Variants in PACS2 observed in about 807,000 individuals in gnomAD.
PACS2 encodes PACS1-like protein.
PACS2 carries 36 observed loss-of-function variants against 113.0 expected under a neutral mutation model. The observed-to-expected ratio is 0.32, with a 90% confidence interval of 0.24 to 0.42. The LOEUF (loss-of-function observed/expected upper bound fraction) is 0.42. PACS2 is among the 10% of genes least tolerant of loss of function. PACS2 has a pLI of 1.00. For synonymous variants in PACS2, 589 were observed against 536.1 expected, an observed-to-expected ratio of 1.10 and a Z score of -1.36; for missense variants, 1,015 against 1,239.5, an observed-to-expected ratio of 0.82 and a Z score of 2.72.
At chr14:105,304,214 AGGCTCGGT>A (rs990750690) in intron 1 of PACS2, among the ~76,000 whole-genome samples, 1 of 152,198 alleles carries the variant, frequency 6.6e-6, no homozygotes, top group Non-Finnish European at 1.5e-5. Flanking sequence ...GGTTTCAGCC[AGGCTCGGT>A]GGCTCAGGAC....
intron 1 of PACS2, among the ~76,000 whole-genome samples, chr14:105,318,803 C>A (rs1240680372): frequency 6.6e-6 from 1 of 151,750 alleles, no homozygotes; most frequent in Non-Finnish European, 1.5e-5. Flanking sequence ...GGACTACAGG[C>A]GCCCGCCACC....
At chr14:105,380,865 A>ATT in intron 11 of PACS2, 92 bp from the exon 12 acceptor site, 1 of 1,307,488 alleles carries the variant, frequency 7.6e-7, no homozygotes, top group Admixed American at 2.4e-5. Flanking sequence ...AGAGGCCTAA[A>ATT]CCCTCACCCG....
chr14:105,392,888 G>T (rs587643850), intron 23 of PACS2, 43 bp downstream of exon 23: 1 of 1,468,208 alleles, frequency 6.8e-7, no homozygotes, highest in East Asian at 2.3e-5. Context: ...GCAGAAGGGC[G>T]GCTCTGTGGG....
intron 4 of PACS2, among the ~76,000 whole-genome samples, chr14:105,364,263 G>A (rs2141118849): frequency 6.6e-6 from 1 of 152,158 alleles, no homozygotes; most frequent in South Asian, 2.1e-4. Flanking sequence ...AGTGAGGGCT[G>A]CAGCCCGGGT....
In PACS2 at chr14:105,329,973, C is replaced by G. The variant is rs2059242694; in HGVS notation, c.119+14936C>G. On this transcript the variant is annotated intron_variant, in intron 1 of 24. Transcript: ENST00000447393. The surrounding 1 kb of genome is among the most constrained non-coding windows in gnomAD (Gnocchi z 6.4). ...AGGGCCGAGCCCCCAGCTGGGATGC[C>G]CTGGGAGGGTGCAGGGTGGGCTCTG... Among the ~76,000 whole-genome samples, 1 of 152,170 alleles carries G rather than the reference C, an allele frequency of 6.6e-6. No individual in the cohort carries two copies. Among genetic ancestry groups the G allele is most frequent in the Non-Finnish European group, 1.5e-5 (1 of 68,034 alleles).
In PACS2 at chr14:105,324,314, C is replaced by T. The variant is rs1317168714; in HGVS notation, c.119+9277C>T. Among the ~76,000 whole-genome samples the T allele has an allele frequency of 1.3e-5, 2 of 152,088 alleles. No homozygotes were observed. The highest frequency in any genetic ancestry group is 4.8e-5 in the African/African-American group (2 of 41,416). ...TGGTGGTGGCAGGCAGTGGCGTTGC[C>T]GAGACAGGGTGCTCAGGTGCAGGTG... On this transcript the variant is annotated intron_variant, in intron 1 of 24. Coordinates refer to ENST00000447393, the MANE Select transcript of PACS2 (RefSeq NM_001100913.3). This position sits in a 1 kb window ranked among gnomAD's most constrained non-coding sequence, Gnocchi z 4.7.
chr14:105,392,683 G>T lies in PACS2; in HGVS notation c.2320G>T (p.Asp774Tyr). 6.2e-7 allele frequency: 1 copy of T among 1,612,756 alleles called. No homozygotes were observed. Among genetic ancestry groups the T allele is most frequent in the East Asian group, 2.2e-5 (1 of 44,862 alleles). Residue 774 changes from aspartate to tyrosine, a missense_variant, in exon 23 of 25, where the codon GAC becomes TAC. Around this residue, in one of 3 missense-constraint regions of PACS2, gnomAD observed 859 missense variants for 1,056.8 expected, o/e 0.81. Coordinates refer to ENST00000447393, the MANE Select transcript of PACS2 (RefSeq NM_001100913.3). ...CTACTGGACGGCAGCACAGCCTGCG[G>T]ACAGGAAGAGGGACGCCGAGAAGAA... ...VDYWTAAQPA[D>Y]RKRDAEKKDL...
intron 1 of PACS2, among the ~76,000 whole-genome samples, chr14:105,342,499 C>G (rs1344309254): frequency 6.6e-6 from 1 of 151,868 alleles, no homozygotes; most frequent in African/African-American, 2.4e-5. Context: ...GAACTCCTGG[C>G]CTCAAGTGAT....
In PACS2 at chr14:105,315,645, C is replaced by G. The variant is rs2058569130; in HGVS notation, c.119+608C>G. 6.6e-6 allele frequency: 1 copy of G among 152,284 alleles called. No homozygotes were observed. Among genetic ancestry groups the G allele is most frequent in the Non-Finnish European group, 1.5e-5 (1 of 68,068 alleles). The allele number at this position is 152,284 out of a possible 1,614,324, so 9.4% of individuals were successfully genotyped here. ...TGATCTTGCCATTGCGGAAGACTGG[C>G]TGTTCTGCACTTGGTAGGGGGGCGC... On this transcript the variant is annotated intron_variant, in intron 1 of 24. Coordinates refer to ENST00000447393, the MANE Select transcript of PACS2 (RefSeq NM_001100913.3). This position sits in a 1 kb window ranked among gnomAD's most constrained non-coding sequence, Gnocchi z 4.4.
rs1555414734 is a variant in PACS2, at chr14:105,391,233, A to G, written c.2103A>G (p.Pro701=). The G allele has an allele frequency of 6.2e-7, 1 of 1,613,248 alleles. No individual in the cohort carries two copies. The part of the protein sequence containing the change: ...VGVVKVGIVE[P]SSATSGDSDD... The stretch of plus-strand genomic sequence containing the variant: ...TTGTGAAGGTTGGAATTGTGGAGCC[A>G]TCCTCGGCCACATCAGGTAACCCCG... The change falls in exon 21 of 25, where the codon CCA becomes CCG. Residue 701 remains proline (P), a synonymous_variant. Coordinates refer to ENST00000447393, the MANE Select transcript of PACS2 (RefSeq NM_001100913.3).
At chr14:105,335,185 G>A (rs1473633876) in intron 1 of PACS2, among the ~76,000 whole-genome samples, 1 of 152,250 alleles carries the variant, frequency 6.6e-6, no homozygotes, top group South Asian at 2.1e-4. Flanking sequence ...ACTGAGGGCC[G>A]GACGTGTGTT....
At chr14:105,384,043 C>T (rs2081087269) in intron 16 of PACS2, 1 of 389,314 alleles carries the variant, frequency 2.6e-6, no homozygotes, top group Non-Finnish European at 4.7e-6. Flanking sequence ...CCGTGTGGCC[C>T]TCACGATGCC....
chr14:105,367,456 C>CT, intron 5 of PACS2, 81 bp downstream of exon 5: 2 of 1,405,174 alleles, frequency 1.4e-6, no homozygotes, highest in Non-Finnish European at 1.0e-6. Context: ...GTGGCAGAAA[C>CT]TGTCCAGCCT....
chr14:105,369,754 G>A, intron 7 of PACS2, 87 bp from the exon 8 acceptor site: 1 of 1,191,706 alleles, frequency 8.4e-7, no homozygotes, highest in Non-Finnish European at 1.2e-6. Flanking sequence ...CGGCGGGCCT[G>A]GGTGCGGCCT....
chr14:105,312,828 A>G (rs11847153), upstream of PACS2, among the ~76,000 whole-genome samples: 11,366 of 152,250 alleles, frequency 0.075, 1,441 homozygotes, highest in African/African-American at 0.26. Flanking sequence ...CAGGCGTGAC[A>G]CATGGTGTGT....
At chr14:105,316,483 G>A (rs1291594257) in intron 1 of PACS2, among the ~76,000 whole-genome samples, 1 of 152,236 alleles carries the variant, frequency 6.6e-6, no homozygotes, top group Non-Finnish European at 1.5e-5. Context: ...CTTCATGCGG[G>A]CTGTTGGCGC....
At chr14:105,353,511 G>C (rs2060316078) in intron 3 of PACS2, among the ~76,000 whole-genome samples, 1 of 152,144 alleles carries the variant, frequency 6.6e-6, no homozygotes, top group South Asian at 2.1e-4. Flanking sequence ...CGTTACTGCA[G>C]ATCTTCTGTT....
intron 1 of PACS2, among the ~76,000 whole-genome samples, chr14:105,319,672 T>C (rs773315384): frequency 2.0e-5 from 3 of 152,250 alleles, no homozygotes; most frequent in Non-Finnish European, 4.4e-5. Flanking sequence ...TCTTTCTTTC[T>C]CTTGCCTGAC....
Position 105,376,320 on chromosome 14 carries a change from G to T in PACS2, c.802-448G>T, listed in dbSNP as rs76720374. Among the ~76,000 whole-genome samples the T allele has an allele frequency of 0.029, 4,454 of 152,004 alleles. 256 individuals carry two copies. Among genetic ancestry groups the T allele is most frequent in the African/African-American group, 0.1 (4,276 of 41,426 alleles). ...ACATGATTCCTTTTGGGTAGCACTC[G>T]GGAAAGGGCAGAATGTACAGGAACA... On this transcript the variant is annotated intron_variant, in intron 8 of 24. Transcript: ENST00000447393. The surrounding 1 kb of genome is among the most constrained non-coding windows in gnomAD (Gnocchi z 4.7).
Sources: gnomAD v4.1 joint callset for allele counts (sites outside exome capture counted in the v4.1 genomes callset) on GRCh38, gnomAD v4.1.1 for gene constraint, gnomAD v4.1.1 regional missense constraint, Gnocchi (gnomAD v3.1) non-coding constraint, MANE v1.5 for transcripts, NCBI Gene and HGNC (gene_info 2026-07-23, HGNC 2026-07-21) for gene names.